The following ASAP1 variants were observed in gnomAD, a reference collection of about 807,000 sequenced individuals.
ASAP1 encodes ArfGAP with SH3 domain, ankyrin repeat and PH domain 1, also known as arf-GAP with SH3 domain, ANK repeat and PH domain-containing protein 1.
ASAP1 carries 43 observed loss-of-function variants against 145.2 expected under a neutral mutation model. That is an observed-to-expected ratio of 0.30 (90% CI 0.23 to 0.38). ASAP1 has a LOEUF of 0.38. ASAP1 is among the 10% of genes least tolerant of loss of function. The pLI is 1.00. For synonymous variants in ASAP1, 546 were observed against 515.5 expected, an observed-to-expected ratio of 1.06 and a Z score of -0.80; for missense variants, 1,018 against 1,355.3, an observed-to-expected ratio of 0.75 and a Z score of 3.91.
intron 3 of ASAP1, among the ~76,000 whole-genome samples, chr8:130,312,720 ATCTT>A (rs1416366732): frequency 6.6e-6 from 1 of 152,208 alleles, no homozygotes. Flanking sequence ...ATCTGAACTG[ATCTT>A]TCTGATTCTA....
chr8:130,381,739 C>A (rs1184577897), intron 2 of ASAP1, among the ~76,000 whole-genome samples: 1 of 152,174 alleles, frequency 6.6e-6, no homozygotes, highest in Non-Finnish European at 1.5e-5. Context: ...ACTTTCCAAA[C>A]CTTTGTCCTC....
Position 130,127,942 on chromosome 8 carries a change from C to T in ASAP1, c.1366G>A (p.Asp456Asn). 6.2e-7 allele frequency: 1 copy of T among 1,612,524 alleles called. No homozygotes were observed. The highest frequency in any genetic ancestry group is 8.5e-7 in the Non-Finnish European group (1 of 1,179,532). Reference protein sequence around the residue: ...QRLPGNDICCDCGSSEPTWLS... With the variant: ...QRLPGNDICCNCGSSEPTWLS... ...GGACAAAAACCTGATGAGCCACAAT[C>T]GCAGCAAATGTCATTCCCTGGGAGC... is the stretch of plus-strand genomic sequence containing the variant. Residue 456 changes from aspartate to asparagine, a missense_variant, in exon 16 of 30, where the codon GAT becomes AAT. Coordinates refer to ENST00000518721, the MANE Select transcript of ASAP1 (RefSeq NM_018482.4).
intron 3 of ASAP1, among the ~76,000 whole-genome samples, chr8:130,335,528 T>C (rs1368612273): frequency 6.6e-6 from 1 of 152,196 alleles, no homozygotes; most frequent in Non-Finnish European, 1.5e-5. Context: ...CTATTATTCA[T>C]GCATACTGAA....
Position 130,118,548 on chromosome 8 carries a change from G to C in ASAP1, c.1735C>G (p.Leu579Val), listed in dbSNP as rs2097560211. Residue 579 changes from leucine (L) to valine (V), a missense_variant, in exon 19 of 30, where the codon CTA (leucine) becomes GTA (valine). Physicochemically the swap from Leu to Val is conservative, Grantham distance 32. Transcript: ENST00000518721. The part of the protein sequence containing the change: ...EAIKSRDLLA[L>V]IQVYAEGVEL... ...ACCCCTTCTGCATAGACTTGAATTA[G>C]TGCAAGTAAATCCCTGGATTTGATG... 1.4e-5 allele frequency: 22 copies of C among 1,613,970 alleles called. No homozygotes were observed. Among genetic ancestry groups the C allele is most frequent in the Non-Finnish European group, 1.7e-5 (20 of 1,179,996 alleles).
chr8:130,358,801 C>G lies in ASAP1; in HGVS notation c.60-658G>C, dbSNP rs1047372824. Among the ~76,000 whole-genome samples the G allele has an allele frequency of 2.7e-5, 4 of 149,948 alleles. No homozygotes were observed. Among genetic ancestry groups the G allele is most frequent in the African/African-American group, 7.3e-5 (3 of 40,954 alleles). ...CCCTGGGGCCTGGCTCCGAAGCTGCCGCTCCCGACCCCGGCTGCGCGGCAC... is the reference window on the plus strand; with the variant it reads ...CCCTGGGGCCTGGCTCCGAAGCTGCGGCTCCCGACCCCGGCTGCGCGGCAC... On this transcript the variant is annotated intron_variant, in intron 2 of 29. Coordinates refer to ENST00000518721, the MANE Select transcript of ASAP1 (RefSeq NM_018482.4). The surrounding 1 kb of genome is among the most constrained non-coding windows in gnomAD (Gnocchi z 4.1).
At chr8:130,124,885 A>T (rs2097572485) in intron 17 of ASAP1, among the ~76,000 whole-genome samples, 1 of 152,210 alleles carries the variant, frequency 6.6e-6, no homozygotes, top group Non-Finnish European at 1.5e-5. Context: ...TGTTACAGGT[A>T]ATAGGTCTGT....
intron 5 of ASAP1, among the ~76,000 whole-genome samples, chr8:130,193,464 C>T (rs1815280410): frequency 6.6e-6 from 1 of 151,972 alleles, no homozygotes; most frequent in Non-Finnish European, 1.5e-5. Context: ...CTGTTGATAC[C>T]AATTTCCTCC....
intron 3 of ASAP1, among the ~76,000 whole-genome samples, chr8:130,282,591 C>A (rs539169008): frequency 6.6e-6 from 1 of 152,202 alleles, no homozygotes; most frequent in African/African-American, 2.4e-5. Context: ...AACTGAAAGG[C>A]CTTTCAGCTC....
At chr8:130,407,247 A>G (rs956098919) in intron 1 of ASAP1, among the ~76,000 whole-genome samples, 1 of 152,202 alleles carries the variant, frequency 6.6e-6, no homozygotes, top group Admixed American at 6.5e-5. Context: ...CTCAGGCTCA[A>G]TCCCACTAAG....
At chr8:130,107,759 G>C (rs1001874035) in intron 24 of ASAP1, among the ~76,000 whole-genome samples, 2 of 151,930 alleles carry the variant, frequency 1.3e-5, no homozygotes, top group African/African-American at 2.4e-5. Context: ...ATATTGGCCA[G>C]GCTGGTCTCG....
intron 24 of ASAP1, among the ~76,000 whole-genome samples, chr8:130,111,761 C>A (rs1459831371): frequency 6.6e-6 from 1 of 152,190 alleles, no homozygotes; most frequent in Non-Finnish European, 1.5e-5. Context: ...TCAACTTTAC[C>A]TCTTACCAGT....
intron 3 of ASAP1, among the ~76,000 whole-genome samples, chr8:130,335,389 G>T (rs1824969783): frequency 6.6e-6 from 1 of 152,174 alleles, no homozygotes; most frequent in South Asian, 2.1e-4. Context: ...CTGACCCACA[G>T]AGAGGTGTAG....
chr8:130,408,585 A>G (rs563596509), intron 1 of ASAP1, among the ~76,000 whole-genome samples: 2 of 152,180 alleles, frequency 1.3e-5, no homozygotes, highest in Non-Finnish European at 2.9e-5. Context: ...ATCAGCCTCC[A>G]TAATCAATTC....
At chr8:130,084,832 T>C (rs1055897662) in intron 25 of ASAP1, 1 of 150,940 alleles carries the variant, frequency 6.6e-6, no homozygotes, top group East Asian at 1.9e-4. Context: ...AATAAGTAAA[T>C]ATGCATGTCT....
intron 12 of ASAP1, among the ~76,000 whole-genome samples, chr8:130,153,024 A>AT (rs1211735485): frequency 1.2e-4 from 18 of 149,254 alleles, no homozygotes; most frequent in African/African-American, 2.5e-4. Context: ...CTGCTTTTTA[A>AT]TTTTTTTTTT....
At chr8:130,427,786 A>G (rs529030124) in intron 1 of ASAP1, 2 of 152,314 alleles carry the variant, frequency 1.3e-5, no homozygotes, top group Non-Finnish European at 2.9e-5. Context: ...CAGTTTGAAT[A>G]TCCTCTCAAT....
chr8:130,145,667 G>T (rs1008360607), intron 13 of ASAP1, among the ~76,000 whole-genome samples: 3 of 151,868 alleles, frequency 2.0e-5, no homozygotes, highest in African/African-American at 7.3e-5. Context: ...ACTCATGCTG[G>T]GCTCCATGCC....
intron 18 of ASAP1, among the ~76,000 whole-genome samples, chr8:130,122,255 G>T (rs1156266438): frequency 1.3e-5 from 2 of 152,150 alleles, no homozygotes; most frequent in Admixed American, 1.3e-4. Flanking sequence ...CATCTCCTCA[G>T]AATGTAAGCA....
chr8:130,427,968 T>A (rs1487630004), intron 1 of ASAP1, among the ~76,000 whole-genome samples: 1 of 152,160 alleles, frequency 6.6e-6, no homozygotes, highest in Non-Finnish European at 1.5e-5. Flanking sequence ...CCCTGTATCT[T>A]AAGCCCCTGG....
Sources: gnomAD v4.1 joint callset for allele counts (sites outside exome capture counted in the v4.1 genomes callset) on GRCh38, gnomAD v4.1.1 for gene constraint, Gnocchi (gnomAD v3.1) non-coding constraint, MANE v1.5 for transcripts, NCBI Gene and HGNC (gene_info 2026-07-23, HGNC 2026-07-21) for gene names.